Variants in PCDH15 observed in about 807,000 individuals in gnomAD.
PCDH15 encodes protocadherin related 15.
In PCDH15, 129 loss-of-function variants were observed where a neutral mutation model predicts 178.5. The ratio of observed to expected loss-of-function variants is 0.72; its 90% confidence interval spans 0.63 to 0.84. The LOEUF (loss-of-function observed/expected upper bound fraction) is 0.84, where lower values mean the gene tolerates loss of function less well. PCDH15 is among the 40% of genes least tolerant of loss of function. PCDH15 has a pLI of 0.00. For missense variants in PCDH15, 2,230 were observed against 2,099.9 expected (o/e 1.06, Z -1.21); for synonymous variants, 800 against 732.0 (o/e 1.09, Z -1.50).
At chr10:54,644,153 AT>A (rs535118383) in intron 2 of PCDH15, among the ~76,000 whole-genome samples, 2,572 of 150,322 alleles carry the variant, frequency 0.017, 55 homozygotes, top group African/African-American at 0.042. Context: ...TGAACTCATC[AT>A]TTTTTTATGG....
intron 2 of PCDH15, among the ~76,000 whole-genome samples, chr10:54,961,170 G>A (rs867467905): frequency 1.3e-5 from 2 of 152,182 alleles, no homozygotes; most frequent in Non-Finnish European, 2.9e-5. Context: ...CCTTGTGCCC[G>A]CTCCAGTGTG....
rs547070920 is a variant in PCDH15, at chr10:54,205,189, T to C, written c.1098+8747A>G. ...AGAATCAGTAGTCGTTTGGGATCAG[T>C]TGGATCAGGCATTTTAGCTTCTCTC... On this transcript the variant is annotated intron_variant, in intron 10 of 37. Transcript: ENST00000644397. Among the ~76,000 whole-genome samples, 6 of 152,152 alleles carry C rather than the reference T, an allele frequency of 3.9e-5. No individual in the cohort carries two copies. The South Asian group carries it at 1.2e-3, about 32-fold the overall frequency.
At chr10:54,759,755 GT>G (rs1947626715) in intron 1 of PCDH15, among the ~76,000 whole-genome samples, 1 of 152,084 alleles carries the variant, frequency 6.6e-6, no homozygotes, top group Non-Finnish European at 1.5e-5. Context: ...AAATCTTTAC[GT>G]TTTCTTTAGG....
rs777264287 is a variant in PCDH15 at position 54,977,389 on chromosome 10, C to A, written c.-79-79889G>T. On this transcript the variant is annotated intron_variant, in intron 2 of 5. Coordinates refer to the PCDH15 transcript ENST00000458638. ...GATAGCTATGAAAGTGGCCTCTGATCATCCTCACTGCTGATTATACTGTAA... is the reference window on the plus strand; with the variant it reads ...GATAGCTATGAAAGTGGCCTCTGATAATCCTCACTGCTGATTATACTGTAA... 8.7e-4 allele frequency among the ~76,000 whole-genome samples: 133 copies of A among 152,298 alleles called. 1 individual carries two copies. Among genetic ancestry groups the A allele is most frequent in the Middle Eastern group, 6.8e-3 (2 of 294 alleles).
intron 2 of PCDH15, among the ~76,000 whole-genome samples, chr10:54,566,292 C>A (rs535152703): frequency 6.6e-6 from 1 of 152,262 alleles, no homozygotes; most frequent in African/African-American, 2.4e-5. Flanking sequence ...CAGCATCCCC[C>A]ACCAACGTGG....
chr10:54,812,338 T>A (rs1952875833), intron 3 of PCDH15, among the ~76,000 whole-genome samples: 1 of 150,736 alleles, frequency 6.6e-6, no homozygotes, highest in African/African-American at 2.4e-5. Flanking sequence ...TGGCAGGATC[T>A]CGGCTCATTG....
chr10:55,113,210 T>A (rs769322165), intron 2 of PCDH15, among the ~76,000 whole-genome samples: 2 of 152,208 alleles, frequency 1.3e-5, no homozygotes, highest in African/African-American at 2.4e-5. Context: ...GGAACACTTG[T>A]TACAATTAAG....
intron 2 of PCDH15, among the ~76,000 whole-genome samples, chr10:54,951,124 A>G (rs1838327013): frequency 6.6e-6 from 1 of 151,892 alleles, no homozygotes; most frequent in Non-Finnish European, 1.5e-5. Flanking sequence ...TGTATAGACT[A>G]TGGGTTTTGA....
chr10:54,105,801 G>T (rs996855694), intron 15 of PCDH15, among the ~76,000 whole-genome samples: 1 of 152,056 alleles, frequency 6.6e-6, no homozygotes, highest in African/African-American at 2.4e-5. Context: ...CTGCTCAAGA[G>T]AAATGAAAAC....
At chr10:54,883,601 AT>A (rs1229734054) in intron 3 of PCDH15, among the ~76,000 whole-genome samples, 1 of 151,954 alleles carries the variant, frequency 6.6e-6, no homozygotes, top group Non-Finnish European at 1.5e-5. Flanking sequence ...CCAATAAAAA[AT>A]ACTTCTAGGT....
rs371991952 is a variant in PCDH15 at position 54,290,228 on chromosome 10, G to T, written c.876+27043C>A. On this transcript the variant is annotated intron_variant, in intron 8 of 37. Coordinates refer to ENST00000644397, the MANE Select transcript of PCDH15 (RefSeq NM_001384140.1). ...GAAACCCTGCAAGCCAGAACAGATT[G>T]GGGGCCAATATTCAACGTTCTTAAA... Among the ~76,000 whole-genome samples the T allele has an allele frequency of 3.9e-5, 6 of 152,278 alleles. No individual in the cohort carries two copies. In the East Asian group the frequency reaches 7.7e-4, roughly 20 times the overall value.
intron 1 of PCDH15, among the ~76,000 whole-genome samples, chr10:55,236,072 T>C (rs538000441): frequency 3.3e-5 from 5 of 151,992 alleles, no homozygotes; most frequent in Non-Finnish European, 5.9e-5. Context: ...ACCTCCTCTT[T>C]CTTTTATTCT....
intron 2 of PCDH15, among the ~76,000 whole-genome samples, chr10:54,630,496 G>A (rs1028522115): frequency 6.6e-6 from 1 of 152,044 alleles, no homozygotes; most frequent in Non-Finnish European, 1.5e-5. Flanking sequence ...GCCTTTCATC[G>A]CAGGCAAAAA....
chr10:55,622,189 T>TATATATATTATATATATATATAAA (rs1564488672), intron 2 of PCDH15, among the ~76,000 whole-genome samples: 3 of 90,036 alleles, frequency 3.3e-5, no homozygotes, highest in Middle Eastern at 5.6e-3. Context: ...ATATATACAT[T>TATATATATTATATATATATATAAA]TTATGTAGAC....
intron 37 of PCDH15, 77 bp from the exon 38 acceptor site, chr10:53,807,207 C>A: frequency 8.4e-7 from 1 of 1,189,470 alleles, no homozygotes; most frequent in Non-Finnish European, 1.1e-6. Flanking sequence ...CTGTGAAATC[C>A]AAAACAATGA....
At chr10:55,266,420 G>T (rs189281098) in intron 1 of PCDH15, among the ~76,000 whole-genome samples, 178 of 152,274 alleles carry the variant, frequency 1.2e-3, no homozygotes, top group Non-Finnish European at 2.2e-3. Context: ...CTCTTCAGAG[G>T]GGGGAGATGA....
intron 1 of PCDH15, among the ~76,000 whole-genome samples, chr10:55,314,374 A>G (rs1843669044): frequency 6.6e-6 from 1 of 151,910 alleles, no homozygotes; most frequent in Non-Finnish European, 1.5e-5. Flanking sequence ...ACTGCTGAAG[A>G]AAAACAAAAA....
chr10:53,964,177 C>T (rs2088687740), intron 21 of PCDH15, among the ~76,000 whole-genome samples: 1 of 151,996 alleles, frequency 6.6e-6, no homozygotes, highest in African/African-American at 2.4e-5. Flanking sequence ...CTAATACTCC[C>T]TTTAAATTAT....
At chr10:54,644,655 A>G (rs761933174) in intron 2 of PCDH15, among the ~76,000 whole-genome samples, 4 of 152,174 alleles carry the variant, frequency 2.6e-5, no homozygotes, top group African/African-American at 4.8e-5. Flanking sequence ...AAGGCTAGAA[A>G]AAAAGATTCA....
Sources: gnomAD v4.1 joint callset for allele counts (sites outside exome capture counted in the v4.1 genomes callset) on GRCh38, gnomAD v4.1.1 for gene constraint, MANE v1.5 for transcripts, NCBI Gene and HGNC (gene_info 2026-07-23, HGNC 2026-07-21) for gene names.